HPCAL1: variants seen among roughly 807,000 people sequenced by gnomAD.
HPCAL1 encodes the protein hippocalcin like 1.
A neutral mutation model predicts 17.1 loss-of-function variants in HPCAL1; 8 were observed. The ratio of observed to expected loss-of-function variants is 0.47; its 90% CI spans 0.27 to 0.84. HPCAL1 has a LOEUF of 0.84. Among genes scored for constraint, HPCAL1 ranks in the 40% least tolerant of loss-of-function variants. The pLI is 0.13. For missense variants in HPCAL1, 165 were observed against 271.1 expected (o/e 0.61, Z 2.75); for synonymous variants, 112 against 111.4 (o/e 1.01, Z -0.03).
intron 1 of HPCAL1, among the ~76,000 whole-genome samples, chr2:10,358,775 T>G (rs1666346982): frequency 6.6e-6 from 1 of 151,842 alleles, no homozygotes; most frequent in Non-Finnish European, 1.5e-5. Context: ...CTGGGTGAGC[T>G]CAATAAAACC....
intron 1 of HPCAL1, among the ~76,000 whole-genome samples, chr2:10,307,855 G>T (rs1309983677): frequency 2.0e-5 from 3 of 152,144 alleles, no homozygotes; most frequent in African/African-American, 7.2e-5. Flanking sequence ...AGTTTAAAAC[G>T]CAGATTTCAT....
intron 1 of HPCAL1, among the ~76,000 whole-genome samples, chr2:10,361,123 G>A (rs889654407): frequency 2.7e-5 from 4 of 147,306 alleles, no homozygotes; most frequent in Admixed American, 6.8e-5. Flanking sequence ...AAAGCCCGGC[G>A]TGTCTGGCCT....
chr2:10,396,418 G>A (rs1182738237), intron 1 of HPCAL1, among the ~76,000 whole-genome samples: 1 of 152,234 alleles, frequency 6.6e-6, no homozygotes, highest in African/African-American at 2.4e-5. Flanking sequence ...AGCCCTGGGT[G>A]CAGAGTGTAG....
At chr2:10,309,924 A>G (rs980752725) in intron 1 of HPCAL1, among the ~76,000 whole-genome samples, 5 of 152,292 alleles carry the variant, frequency 3.3e-5, no homozygotes, top group South Asian at 2.1e-4. Flanking sequence ...GACAGAAACC[A>G]TGAAAGAAAT....
chr2:10,400,194 C>T (rs963100624), intron 2 of HPCAL1, among the ~76,000 whole-genome samples: 2 of 152,104 alleles, frequency 1.3e-5, no homozygotes, highest in Non-Finnish European at 2.9e-5. Flanking sequence ...AAGGAGGGGG[C>T]GAGCAGGCGG....
chr2:10,355,591 G>T (rs932568380), intron 1 of HPCAL1, among the ~76,000 whole-genome samples: 2 of 151,862 alleles, frequency 1.3e-5, no homozygotes. Flanking sequence ...AGTAAAGAGG[G>T]TTTCGTTTTC....
intron 2 of HPCAL1, among the ~76,000 whole-genome samples, chr2:10,406,018 G>A (rs1669949524): frequency 6.6e-6 from 1 of 152,184 alleles, no homozygotes; most frequent in Admixed American, 6.5e-5. Context: ...GCATTACCGG[G>A]TAGTGGGGAG....
intron 1 of HPCAL1, among the ~76,000 whole-genome samples, chr2:10,349,893 A>G (rs183019466): frequency 3.9e-4 from 59 of 151,976 alleles, no homozygotes; most frequent in African/African-American, 1.3e-3. Flanking sequence ...TGCACTATCC[A>G]CACTGTTAAT....
rs1192387207 is a variant in HPCAL1, at chr2:10,310,623, T to C, written c.-111+7446T>C. ...CCTACAGAGACCCTGAGCTTGGTGG[T>C]GGGGGTTGCACAGAGAGAGCTGCAG... is the stretch of plus-strand genomic sequence containing the variant. On this transcript the variant is annotated intron_variant, in intron 1 of 4. Coordinates refer to ENST00000307845, the MANE Select transcript of HPCAL1 (RefSeq NM_002149.4). This position sits in a 1 kb window ranked among gnomAD's most constrained non-coding sequence, Gnocchi z 4.5. Among the ~76,000 whole-genome samples the C allele has an allele frequency of 6.6e-6, 1 of 151,900 alleles. No homozygotes were observed. Among genetic ancestry groups the C allele is most frequent in the African/African-American group, 2.4e-5 (1 of 41,312 alleles).
chr2:10,385,929 G>A (rs1355264908), intron 1 of HPCAL1, among the ~76,000 whole-genome samples: 11 of 152,142 alleles, frequency 7.2e-5, no homozygotes, highest in Non-Finnish European at 1.5e-4. Flanking sequence ...CTCTCTGGGG[G>A]CTTTTCTTCC....
intron 1 of HPCAL1, among the ~76,000 whole-genome samples, chr2:10,360,930 A>G (rs1666484070): frequency 6.6e-6 from 1 of 150,656 alleles, no homozygotes; most frequent in East Asian, 2.0e-4. Context: ...TGTTCTGAAT[A>G]TGCTTTTGTT....
rs759442401 is a variant in HPCAL1, at chr2:10,365,278, C to T, written c.-110-31557C>T. Among the ~76,000 whole-genome samples the T allele has an allele frequency of 1.1e-4, 17 of 152,194 alleles. No individual in the cohort carries two copies. The highest frequency in any genetic ancestry group is 2.4e-4 in the Non-Finnish European group (16 of 68,032). On this transcript the variant is annotated intron_variant, in intron 1 of 4. Transcript: ENST00000307845. This position sits in a 1 kb window ranked among gnomAD's most constrained non-coding sequence, Gnocchi z 4.8. ...ATTCCAGGACAGCTGGGATCTTGAT[C>T]ATCCAGTGGGTGCCCTCACTGTGCA...
chr2:10,368,390 T>C (rs1420986656), intron 1 of HPCAL1, among the ~76,000 whole-genome samples: 2 of 152,102 alleles, frequency 1.3e-5, no homozygotes, highest in African/African-American at 4.8e-5. Flanking sequence ...TGTGTGCGTG[T>C]CAGCATATGT....
intron 2 of HPCAL1, among the ~76,000 whole-genome samples, chr2:10,399,241 T>TCACCACCATCACCAC: frequency 1.7e-4 from 2 of 12,058 alleles, no homozygotes; most frequent in East Asian, 5.5e-3. Context: ...ACCACCACCA[T>TCACCACCATCACCAC]CACCACCACC....
chr2:10,306,067 A>T (rs1417885254), intron 1 of HPCAL1, among the ~76,000 whole-genome samples: 1 of 152,212 alleles, frequency 6.6e-6, no homozygotes, highest in Non-Finnish European at 1.5e-5. Flanking sequence ...TAAGTGGTAG[A>T]GTACCACACT....
chr2:10,419,650 G>T lies in HPCAL1; in HGVS notation c.-24-84G>T. On this transcript the variant is annotated intron_variant, in intron 2 of 4. Transcript: ENST00000307845. This position sits in a 1 kb window ranked among gnomAD's most constrained non-coding sequence, Gnocchi z 5.0. ...TGAGTCGCAGCGCTTGCACAGCGATGGGCTTATTTGGTCTCTCCGGCACAT... is the reference window on the plus strand; with the variant it reads ...TGAGTCGCAGCGCTTGCACAGCGATTGGCTTATTTGGTCTCTCCGGCACAT... The T allele has an allele frequency of 7.4e-7, 1 of 1,350,932 alleles. No homozygotes were observed. The highest frequency in any genetic ancestry group is 1.0e-6 in the Non-Finnish European group (1 of 1,004,838). 83.7% of individuals were successfully genotyped at this position (1,350,932 alleles called of 1,614,324 possible).
chr2:10,304,383 G>A lies in HPCAL1; in HGVS notation c.-111+1206G>A, dbSNP rs1188936509. ...CTCGGGCTCCCGGGGTGTCCCGGCCGCCAAAGGCCACCCCTTTCCTCCTGG... is the reference window on the plus strand; with the variant it reads ...CTCGGGCTCCCGGGGTGTCCCGGCCACCAAAGGCCACCCCTTTCCTCCTGG... On this transcript the variant is annotated intron_variant, in intron 1 of 4. Transcript: ENST00000307845. This position sits in a 1 kb window ranked among gnomAD's most constrained non-coding sequence, Gnocchi z 4.1. Among the ~76,000 whole-genome samples the A allele has an allele frequency of 6.6e-6, 1 of 151,798 alleles. No individual in the cohort carries two copies. The highest frequency in any genetic ancestry group is 1.5e-5 in the Non-Finnish European group (1 of 67,948).
chr2:10,419,667 C>T lies in HPCAL1; in HGVS notation c.-24-67C>T. Reference sequence around the variant, plus strand: ...ACAGCGATGGGCTTATTTGGTCTCTCCGGCACATGGCTCAGCCCTGCTCCG... The same window carrying T: ...ACAGCGATGGGCTTATTTGGTCTCTTCGGCACATGGCTCAGCCCTGCTCCG... On this transcript the variant is annotated intron_variant, in intron 2 of 4. Transcript: ENST00000307845. The surrounding 1 kb of genome is among the most constrained non-coding windows in gnomAD (Gnocchi z 5.0). 2 of 1,486,658 alleles carry T rather than the reference C, an allele frequency of 1.3e-6. No individual in the cohort carries two copies. Among genetic ancestry groups the T allele is most frequent in the East Asian group, 2.3e-5 (1 of 43,644 alleles). The allele number at this position is 1,486,658 out of a possible 1,614,324, so 92.1% of individuals were successfully genotyped here.
At chr2:10,402,899 G>A (rs1375227787) in intron 2 of HPCAL1, among the ~76,000 whole-genome samples, 3 of 152,118 alleles carry the variant, frequency 2.0e-5, no homozygotes, top group South Asian at 4.1e-4. Flanking sequence ...GGGAGGACGC[G>A]CGTCTCACAA....
Sources: allele counts gnomAD v4.1 joint callset (sites outside exome capture counted in the v4.1 genomes callset), GRCh38; gene constraint gnomAD v4.1.1; non-coding constraint Gnocchi (gnomAD v3.1); transcripts MANE v1.5; gene names NCBI Gene and HGNC (gene_info 2026-07-23, HGNC 2026-07-21).